The following KCNQ1 variants were observed in gnomAD, a reference collection of about 807,000 sequenced individuals.
KCNQ1 encodes the protein potassium voltage-gated channel subfamily KQT member 1.
In KCNQ1, 49 loss-of-function variants were observed where a neutral mutation model predicts 72.4. The ratio of observed to expected loss-of-function variants is 0.68; its 90% CI spans 0.54 to 0.86. The LOEUF (loss-of-function observed/expected upper bound fraction) is 0.86. KCNQ1 is among the 40% of genes least tolerant of loss of function. The pLI, the probability that KCNQ1 is intolerant of heterozygous loss-of-function variation, is 0.00. For missense variants in KCNQ1, 790 were observed against 945.1 expected, an observed-to-expected ratio of 0.84 and a Z score of 2.15; for synonymous variants, 450 against 412.6, an observed-to-expected ratio of 1.09 and a Z score of -1.10.
chr11:2,553,658 T>C (rs970937264), intron 2 of KCNQ1, among the ~76,000 whole-genome samples: 7 of 151,744 alleles, frequency 4.6e-5, no homozygotes, highest in African/African-American at 1.7e-4. Context: ...TGATGAATTT[T>C]TATTTTATTT....
Position 2,642,711 on chromosome 11 carries a change from GT to G in KCNQ1, c.1394-19249del, listed in dbSNP as rs574501878. On this transcript the variant is annotated intron_variant, in intron 10 of 15. Coordinates refer to ENST00000155840, the MANE Select transcript of KCNQ1 (RefSeq NM_000218.3). This position sits in a 1 kb window ranked among gnomAD's most constrained non-coding sequence, Gnocchi z 4.3. ...TTTCCTTCTACTAATTTTATGTTTAGTATGGTTTGTTCTTGCTTTTCTGGTT... is the reference window on the plus strand; with the variant it reads ...TTTCCTTCTACTAATTTTATGTTTAGATGGTTTGTTCTTGCTTTTCTGGTT... 3 of 397,502 alleles carry G rather than the reference GT, an allele frequency of 7.5e-6. No homozygotes were observed. Among genetic ancestry groups the G allele is most frequent in the Non-Finnish European group, 1.3e-5 (3 of 225,606 alleles). 24.6% of individuals were successfully genotyped at this position (397,502 alleles called of 1,614,324 possible).
At chr11:2,749,532 G>A (rs966780556) in intron 11 of KCNQ1, among the ~76,000 whole-genome samples, 3 of 152,148 alleles carry the variant, frequency 2.0e-5, no homozygotes, top group African/African-American at 2.4e-5. Context: ...AGGCTTGGCC[G>A]GGCGTGCTGC....
In KCNQ1 at chr11:2,497,359, C is replaced by T. The variant is rs965066308; in HGVS notation, c.387-30569C>T. On this transcript the variant is annotated intron_variant, in intron 1 of 15. Coordinates refer to ENST00000155840, the MANE Select transcript of KCNQ1 (RefSeq NM_000218.3). The surrounding 1 kb of genome is among the most constrained non-coding windows in gnomAD (Gnocchi z 4.5). ...TCCCATATTTCTTGGAGGTTTTGTT[C>T]GTTCTTTTTCATCATTTTTTCTCTA... Among the ~76,000 whole-genome samples the T allele has an allele frequency of 5.3e-5, 8 of 152,104 alleles. No homozygotes were observed. The highest frequency in any genetic ancestry group is 1.4e-4 in the African/African-American group (6 of 41,510).
chr11:2,517,096 G>C (rs368323462), intron 1 of KCNQ1, among the ~76,000 whole-genome samples: 1 of 152,180 alleles, frequency 6.6e-6, no homozygotes, highest in Non-Finnish European at 1.5e-5. Flanking sequence ...AGGTGTGGTC[G>C]AGGGCCCTGG....
chr11:2,509,652 G>A lies in KCNQ1; in HGVS notation c.387-18276G>A, dbSNP rs555672693. On this transcript the variant is annotated intron_variant, in intron 1 of 15. Transcript: ENST00000155840. This position sits in a 1 kb window ranked among gnomAD's most constrained non-coding sequence, Gnocchi z 6.3. The stretch of plus-strand genomic sequence containing the variant: ...GGTGTCAGCGTTTCACTCCCAGCAC[G>A]TCACGCCACGTCCCTTTCCTCTGCT... Among the ~76,000 whole-genome samples, 7 of 152,146 alleles carry A rather than the reference G, an allele frequency of 4.6e-5. No homozygotes were observed. The highest frequency in any genetic ancestry group is 1.0e-4 in the Non-Finnish European group (7 of 68,034).
Position 2,809,949 on chromosome 11 carries a change from G to C in KCNQ1, c.1794+31912G>C, listed in dbSNP as rs1021664277. On this transcript the variant is annotated intron_variant, in intron 15 of 15. Coordinates refer to ENST00000155840, the MANE Select transcript of KCNQ1 (RefSeq NM_000218.3). This position sits in a 1 kb window ranked among gnomAD's most constrained non-coding sequence, Gnocchi z 7.1. Reference sequence around the variant, plus strand: ...CTTCAGTTTTCTGGGGAAGCCTCAGGGGCCTTACTGATAAGAACTGTGTGG... The same window carrying C: ...CTTCAGTTTTCTGGGGAAGCCTCAGCGGCCTTACTGATAAGAACTGTGTGG... Among the ~76,000 whole-genome samples the C allele has an allele frequency of 6.6e-6, 1 of 151,960 alleles. No homozygotes were observed. The highest frequency in any genetic ancestry group is 2.4e-5 in the African/African-American group (1 of 41,360).
At chr11:2,770,595 C>G (rs767243002) in intron 12 of KCNQ1, among the ~76,000 whole-genome samples, 27 of 152,266 alleles carry the variant, frequency 1.8e-4, no homozygotes, top group Non-Finnish European at 2.1e-4. Context: ...TGGTTCATGA[C>G]TCAACTGAAC....
chr11:2,788,828 T>C (rs185446583), intron 15 of KCNQ1, among the ~76,000 whole-genome samples: 12 of 152,280 alleles, frequency 7.9e-5, no homozygotes, highest in Non-Finnish European at 1.8e-4. Flanking sequence ...GATAAACCTA[T>C]AATGAAAGCA....
rs1438133191 is a variant in KCNQ1, at chr11:2,538,015, C to T, written c.477+9997C>T. 6.6e-6 allele frequency among the ~76,000 whole-genome samples: 1 copy of T among 152,184 alleles called. No individual in the cohort carries two copies. The highest frequency in any genetic ancestry group is 2.4e-5 in the African/African-American group (1 of 41,436). ...TATAGGCATGAACCACTGCACTCAG[C>T]CTGCTTTGTTTTTATCCTGAGTCAT... On this transcript the variant is annotated intron_variant, in intron 2 of 15. Coordinates refer to ENST00000155840, the MANE Select transcript of KCNQ1 (RefSeq NM_000218.3). This position sits in a 1 kb window ranked among gnomAD's most constrained non-coding sequence, Gnocchi z 6.7.
At position 2,677,357 on chromosome 11, in the gene KCNQ1, A is replaced by T. The variant is rs958931800; in HGVS notation, c.1514+15276A>T. 1.0e-5 allele frequency: 4 copies of T among 398,640 alleles called. No homozygotes were observed. Among genetic ancestry groups the T allele is most frequent in the Non-Finnish European group, 1.8e-5 (4 of 226,066 alleles). The allele number at this position is 398,640 out of a possible 1,614,324, so 24.7% of individuals were successfully genotyped here. ...CTCAAATAGAGACTGGGCAGAGTAG[A>T]CCAGTTAGTTAATCAGTTGAAGAGG... On this transcript the variant is annotated intron_variant, in intron 11 of 15. Transcript: ENST00000155840. The surrounding 1 kb of genome is among the most constrained non-coding windows in gnomAD (Gnocchi z 4.5).
At position 2,848,023 on chromosome 11, in the gene KCNQ1, G is replaced by A; in HGVS notation, c.*20G>A. 3 of 1,531,132 alleles carry A rather than the reference G, an allele frequency of 2.0e-6. No homozygotes were observed. The highest frequency in any genetic ancestry group is 2.6e-6 in the Non-Finnish European group (3 of 1,136,476). 94.8% of individuals were successfully genotyped at this position (1,531,132 alleles called of 1,614,324 possible). ...TCCTGAGGAGGGGATGGGGCTGGGG[G>A]ATGGGCCTGAGTGAGAGGGGAGGCC... On this transcript the variant is annotated 3_prime_UTR_variant, in exon 16 of 16. Transcript: ENST00000155840.
rs370821907 is a variant in KCNQ1 at position 2,570,766 on chromosome 11, C to T, written c.604+12C>T. ...CATTTCCATCATCGGTGAGTCATGCCTGCCCTGTGGAGGTCACGCCCAGGT... is the reference window on the plus strand; with the variant it reads ...CATTTCCATCATCGGTGAGTCATGCTTGCCCTGTGGAGGTCACGCCCAGGT... On this transcript the variant is annotated intron_variant, in intron 3 of 15. Transcript: ENST00000155840. 7.0e-5 allele frequency: 113 copies of T among 1,609,556 alleles called. No homozygotes were observed. The highest frequency in any genetic ancestry group is 9.5e-5 in the Non-Finnish European group (112 of 1,179,954).
intron 11 of KCNQ1, among the ~76,000 whole-genome samples, chr11:2,700,251 G>A (rs1426204304): frequency 6.6e-6 from 1 of 152,026 alleles, no homozygotes; most frequent in Non-Finnish European, 1.5e-5. Context: ...GCGAGCCGCC[G>A]CCCTCCCTGC....
chr11:2,546,865 GC>G (rs1847908763), intron 2 of KCNQ1, among the ~76,000 whole-genome samples: 1 of 152,136 alleles, frequency 6.6e-6, no homozygotes, highest in African/African-American at 2.4e-5. Context: ...TTTATCCCTG[GC>G]CACTTTCTTT....
intron 15 of KCNQ1, among the ~76,000 whole-genome samples, chr11:2,839,533 T>C (rs1020682592): frequency 6.8e-6 from 1 of 147,868 alleles, no homozygotes; most frequent in African/African-American, 2.7e-5. Flanking sequence ...ACGGCACACA[T>C]AGACCCCCTG....
intron 10 of KCNQ1, among the ~76,000 whole-genome samples, chr11:2,590,867 G>A (rs1848662032): frequency 6.6e-6 from 1 of 152,204 alleles, no homozygotes; most frequent in African/African-American, 2.4e-5. Flanking sequence ...TGCCTCAGTT[G>A]TGCCAAGTGG....
At chr11:2,672,485 C>A in intron 11 of KCNQ1, 1 of 398,690 alleles carries the variant, frequency 2.5e-6, no homozygotes, top group Non-Finnish European at 4.4e-6. Context: ...CCCCACATTC[C>A]ATGGCAGTGC....
Position 2,695,699 on chromosome 11 carries a change from T to C in KCNQ1, c.1514+33618T>C. ...GTTGGCCAGCTCTTCAGAACGTCTG[T>C]GCCTGTCTCCGTCCCCACCTGCAGC... On this transcript the variant is annotated intron_variant, in intron 11 of 15. Coordinates refer to ENST00000155840, the MANE Select transcript of KCNQ1 (RefSeq NM_000218.3). This position sits in a 1 kb window ranked among gnomAD's most constrained non-coding sequence, Gnocchi z 5.2. 1 of 398,660 alleles carries C rather than the reference T, an allele frequency of 2.5e-6. No homozygotes were observed. The highest frequency in any genetic ancestry group is 4.4e-6 in the Non-Finnish European group (1 of 226,086). 24.7% of individuals were successfully genotyped at this position (398,660 alleles called of 1,614,324 possible). A position where few individuals can be genotyped will look rare whatever the true frequency, so the allele number is the denominator to read the frequency against.
chr11:2,503,703 AC>A (rs1252617850), intron 1 of KCNQ1, among the ~76,000 whole-genome samples: 15 of 151,520 alleles, frequency 9.9e-5, no homozygotes, highest in South Asian at 2.1e-4. Context: ...TAATAAAAAA[AC>A]AAATGACAAA....
Sources: gnomAD v4.1 joint callset for allele counts (sites outside exome capture counted in the v4.1 genomes callset) on GRCh38, gnomAD v4.1.1 for gene constraint, Gnocchi (gnomAD v3.1) non-coding constraint, MANE v1.5 for transcripts, NCBI Gene and HGNC (gene_info 2026-07-23, HGNC 2026-07-21) for gene names.